COL28A1: variants seen among roughly 807,000 people sequenced by gnomAD.
COL28A1 encodes collagen type XXVIII alpha 1 chain.
Under a neutral mutation model 150.2 loss-of-function variants are expected in COL28A1, and 161 were observed. The observed-to-expected ratio is 1.07, with a 90% CI of 0.94 to 1.22. COL28A1 has a LOEUF of 1.22. Among genes scored for constraint, COL28A1 ranks in the 50% most tolerant of loss-of-function variants. The pLI is 0.00. For synonymous variants in COL28A1, 552 were observed against 469.7 expected, an observed-to-expected ratio of 1.18 and a Z score of -2.26; for missense variants, 1,617 against 1,388.3, an observed-to-expected ratio of 1.16 and a Z score of -2.62.
downstream of COL28A1, among the ~76,000 whole-genome samples, chr7:7,354,694 T>G (rs1780308961): frequency 6.6e-6 from 1 of 152,224 alleles, no homozygotes; most frequent in Admixed American, 6.5e-5. Flanking sequence ...CTTTTTGTTC[T>G]TAAAATATTG....
chr7:7,488,257 T>C lies in COL28A1; in HGVS notation c.1164+1132A>G, dbSNP rs920581360. 5.1e-4 allele frequency among the ~76,000 whole-genome samples: 78 copies of C among 152,242 alleles called. 1 individual carries two copies. The highest frequency in any genetic ancestry group is 4.6e-4 in the Admixed American group (7 of 15,288). On this transcript the variant is annotated intron_variant, in intron 13 of 34. Transcript: ENST00000399429. ...GACTAGATCACTGATCTCTAGATGA[T>C]TAGTCCAGTGTATTTTTCTTCCATA...
At chr7:7,529,698 G>A (rs1014604930) in intron 3 of COL28A1, among the ~76,000 whole-genome samples, 4 of 152,136 alleles carry the variant, frequency 2.6e-5, no homozygotes, top group Admixed American at 6.6e-5. Context: ...TGCCTGTCCC[G>A]CATCTTCTAT....
intron 13 of COL28A1, 143 bp downstream of exon 13, chr7:7,489,246 G>A: frequency 1.6e-6 from 1 of 617,448 alleles, no homozygotes; most frequent in South Asian, 2.2e-5. Context: ...TTCCAGCCTG[G>A]GTGACAGTGA....
At chr7:7,482,134 G>C (rs2128360878) in intron 13 of COL28A1, among the ~76,000 whole-genome samples, 1 of 152,272 alleles carries the variant, frequency 6.6e-6, no homozygotes, top group East Asian at 1.9e-4. Context: ...CGAAACACTT[G>C]AAATAATTCA....
At chr7:7,428,466 G>A (rs1261967971) in intron 25 of COL28A1, among the ~76,000 whole-genome samples, 1 of 152,218 alleles carries the variant, frequency 6.6e-6, no homozygotes, top group African/African-American at 2.4e-5. Context: ...AGAGACATCA[G>A]GAAATCAGAC....
At chr7:7,471,225 TG>T (rs1359249448) in intron 15 of COL28A1, among the ~76,000 whole-genome samples, 1 of 148,912 alleles carries the variant, frequency 6.7e-6, no homozygotes, top group East Asian at 2.0e-4. Flanking sequence ...AAGACTGAAA[TG>T]GTAATTTTAA....
At chr7:7,358,879 G>C (rs766473210) in intron 34 of COL28A1, 74 bp from the exon 35 acceptor site, 6 of 1,228,850 alleles carry the variant, frequency 4.9e-6, no homozygotes, top group Non-Finnish European at 6.8e-6. Context: ...ACTGTATAAA[G>C]TTATATAAAT....
At chr7:7,365,883 G>C (rs1273003886) in intron 33 of COL28A1, among the ~76,000 whole-genome samples, 3 of 152,034 alleles carry the variant, frequency 2.0e-5, no homozygotes, top group South Asian at 2.1e-4. Context: ...ACACTTCTTT[G>C]TCAGGTCTCT....
chr7:7,390,296 C>T (rs550013366), intron 27 of COL28A1, among the ~76,000 whole-genome samples: 72 of 152,124 alleles, frequency 4.7e-4, no homozygotes, highest in African/African-American at 1.5e-3. Context: ...GATTATGTTA[C>T]TTGATTTGCG....
chr7:7,383,670 G>C (rs1264655976), intron 27 of COL28A1, among the ~76,000 whole-genome samples: 1 of 69,540 alleles, frequency 1.4e-5, no homozygotes, highest in Non-Finnish European at 2.9e-5. Context: ...TGAAATTTGT[G>C]TGTGTGTGTG....
rs1467526866 is a variant in COL28A1 at position 7,489,598 on chromosome 7, A to C, written c.1096-141T>G. ...TTTTCATAAAGGTAAAAAATTCTAG[A>C]GGAAGAGAAATAGCTCGAATTTAAG... On this transcript the variant is annotated intron_variant, in intron 12 of 34. Transcript: ENST00000399429. 9.5e-6 allele frequency: 6 copies of C among 630,528 alleles called. No homozygotes were observed. The East Asian group carries it at 1.7e-4, about 17-fold the overall frequency. The allele number at this position is 630,528 out of a possible 1,614,324, so 39.1% of individuals were successfully genotyped here.
At chr7:7,517,892 C>T (rs1336823182) in intron 6 of COL28A1, 55 bp from the exon 7 acceptor site, 18 of 1,603,362 alleles carry the variant, frequency 1.1e-5, no homozygotes, top group Non-Finnish European at 1.4e-5. Flanking sequence ...TGACTGATTG[C>T]TCAATAAAAT....
chr7:7,487,357 C>T (rs1779683070), intron 13 of COL28A1, among the ~76,000 whole-genome samples: 1 of 152,084 alleles, frequency 6.6e-6, no homozygotes, highest in South Asian at 2.1e-4. Flanking sequence ...GTGGGTTCAT[C>T]ACCTGAGGTC....
chr7:7,522,412 T>A lies in COL28A1; in HGVS notation c.703-451A>T, dbSNP rs1781776378. On this transcript the variant is annotated intron_variant, in intron 4 of 34. Coordinates refer to ENST00000399429, the MANE Select transcript of COL28A1 (RefSeq NM_001037763.3). ...CCTTTACTAGGCAAAGGAAAACATT[T>A]GACTTATAGCATATTTTACTAATTG... Among the ~76,000 whole-genome samples the A allele has an allele frequency of 2.0e-5, 3 of 152,332 alleles. No individual in the cohort carries two copies. In the South Asian group the frequency reaches 6.2e-4, roughly 32 times the overall value.
At chr7:7,397,651 C>A (rs576459477) in intron 27 of COL28A1, among the ~76,000 whole-genome samples, 123 of 152,330 alleles carry the variant, frequency 8.1e-4, no homozygotes, top group African/African-American at 2.8e-3. Context: ...CAGTAGTCCA[C>A]ACTTCTCAGG....
intron 30 of COL28A1, 68 bp downstream of exon 30, chr7:7,380,592 G>A: frequency 3.7e-6 from 5 of 1,361,432 alleles, no homozygotes; most frequent in Non-Finnish European, 5.2e-6. Context: ...TAATTCTAAA[G>A]CTAAAGCATG....
the COL28A1 span, among the ~76,000 whole-genome samples, chr7:7,347,774 A>C: frequency 1.3e-5 from 2 of 152,178 alleles, no homozygotes; most frequent in East Asian, 3.9e-4. Context: ...AATACCAAAA[A>C]CAAGCCCAAC....
chr7:7,481,163 T>C (rs1789357209), intron 13 of COL28A1, among the ~76,000 whole-genome samples: 1 of 152,236 alleles, frequency 6.6e-6, no homozygotes, highest in African/African-American at 2.4e-5. Flanking sequence ...AAACACTGAA[T>C]CTTCCTTCAT....
intron 13 of COL28A1, among the ~76,000 whole-genome samples, chr7:7,483,713 G>A (rs576371400): frequency 2.0e-5 from 3 of 151,988 alleles, no homozygotes; most frequent in South Asian, 2.1e-4. Flanking sequence ...CTAACACAAC[G>A]TAAACTTCCT....
Sources: gnomAD v4.1 joint callset for allele counts (sites outside exome capture counted in the v4.1 genomes callset) on GRCh38, gnomAD v4.1.1 for gene constraint, MANE v1.5 for transcripts, NCBI Gene and HGNC (gene_info 2026-07-23, HGNC 2026-07-21) for gene names.